Variants in DENND5B observed in about 807,000 individuals in gnomAD.
The protein encoded by DENND5B is DENN domain-containing protein 5B.
DENND5B carries 34 observed loss-of-function variants against 140.6 expected under a neutral mutation model. That is an observed-to-expected ratio of 0.24 (90% CI 0.18 to 0.32). The LOEUF (loss-of-function observed/expected upper bound fraction) is 0.32. Ranked by LOEUF, DENND5B falls within the 10% of genes least tolerant of loss-of-function variation. The pLI is 1.00. For missense variants in DENND5B, 1,142 were observed against 1,560.2 expected (o/e 0.73, Z 4.52); for synonymous variants, 551 against 562.1 (o/e 0.98, Z 0.28).
At chr12:31,418,921 G>GAGCC (rs1244529293) in intron 11 of DENND5B, among the ~76,000 whole-genome samples, 2 of 152,122 alleles carry the variant, frequency 1.3e-5, no homozygotes, top group African/African-American at 2.4e-5. Context: ...TTACATGTGC[G>GAGCC]AGCCAGTGTG....
intron 1 of DENND5B, among the ~76,000 whole-genome samples, chr12:31,581,419 G>GC (rs1182388755): frequency 6.6e-6 from 1 of 151,928 alleles, no homozygotes; most frequent in Non-Finnish European, 1.5e-5. Context: ...TTTCGGCCAG[G>GC]CACAGTGGCC....
At chr12:31,448,196 C>T (rs537253061) in intron 5 of DENND5B, among the ~76,000 whole-genome samples, 22 of 152,042 alleles carry the variant, frequency 1.4e-4, no homozygotes, top group Admixed American at 2.6e-4. Flanking sequence ...TGCAGTGGCA[C>T]GATCTCGGCT....
intron 14 of DENND5B, among the ~76,000 whole-genome samples, chr12:31,404,007 G>A (rs1048765430): frequency 2.7e-5 from 4 of 150,936 alleles, no homozygotes; most frequent in African/African-American, 9.7e-5. Flanking sequence ...GATCACTTGC[G>A]CTCAGGAGTT....
In DENND5B at chr12:31,572,002, A is replaced by G. The variant is rs1391747433; in HGVS notation, c.127+18704T>C. ...CACTTTGGGAGGCCAGCGCAGGTGG[A>G]TCATGTGAGGTCGGGAGCTCAAGAC... On this transcript the variant is annotated intron_variant, in intron 1 of 20. Coordinates refer to ENST00000389082, the MANE Select transcript of DENND5B (RefSeq NM_144973.4). Among the ~76,000 whole-genome samples the G allele has an allele frequency of 3.3e-5, 5 of 152,190 alleles. No homozygotes were observed. The East Asian group carries it at 9.6e-4, about 29-fold the overall frequency.
intron 1 of DENND5B, among the ~76,000 whole-genome samples, chr12:31,523,036 G>A (rs1947955410): frequency 6.6e-6 from 1 of 151,310 alleles, no homozygotes; most frequent in Non-Finnish European, 1.5e-5. Flanking sequence ...GAGGGAAGGT[G>A]AGATAAATGT....
intron 1 of DENND5B, among the ~76,000 whole-genome samples, chr12:31,564,189 T>C (rs1364613070): frequency 6.6e-6 from 1 of 152,150 alleles, no homozygotes. Context: ...TAAAATATTA[T>C]ATATATACAC....
At chr12:31,575,724 A>G (rs1298507829) in intron 1 of DENND5B, among the ~76,000 whole-genome samples, 2 of 152,154 alleles carry the variant, frequency 1.3e-5, no homozygotes, top group African/African-American at 4.8e-5. Flanking sequence ...TGGGAGGCCC[A>G]GGCAGGATAG....
Position 31,479,989 on chromosome 12 carries a change from A to C in DENND5B, c.504T>G (p.Thr168=). 6.2e-7 allele frequency: 1 copy of C among 1,614,012 alleles called. No homozygotes were observed. Among genetic ancestry groups the C allele is most frequent in the Non-Finnish European group, 8.5e-7 (1 of 1,179,886 alleles). Residue 168 remains threonine (T), a synonymous_variant, in exon 3 of 21, where the codon ACT becomes ACG. Transcript: ENST00000389082. ...LASSLDEGDT[T]SLLKLQRYNS... ...TGTATCGCTGGAGTTTCAAAAGGGA[A>C]GTTGTATCTCCTTCATCAAGACTAC... is the stretch of plus-strand genomic sequence containing the variant.
intron 1 of DENND5B, among the ~76,000 whole-genome samples, chr12:31,507,978 C>T (rs1009859672): frequency 8.5e-5 from 13 of 152,272 alleles, no homozygotes; most frequent in African/African-American, 3.1e-4. Context: ...CAATGTATTT[C>T]TGGGAAAGCA....
At chr12:31,439,289 T>C (rs1352619358) in intron 7 of DENND5B, among the ~76,000 whole-genome samples, 1 of 152,324 alleles carries the variant, frequency 6.6e-6, no homozygotes, top group Admixed American at 6.5e-5. Flanking sequence ...TGACTATATC[T>C]ACCTGAAAAC....
intron 17 of DENND5B, among the ~76,000 whole-genome samples, chr12:31,393,535 T>C (rs2137294313): frequency 6.6e-6 from 1 of 152,310 alleles, no homozygotes; most frequent in African/African-American, 2.4e-5. Flanking sequence ...AAAAAGGTGG[T>C]AAACATTTCA....
intron 4 of DENND5B, among the ~76,000 whole-genome samples, chr12:31,456,517 T>C (rs1346241143): frequency 1.3e-5 from 2 of 152,210 alleles, no homozygotes; most frequent in East Asian, 3.8e-4. Context: ...TATTTGTAAA[T>C]GACTTTTTTG....
At chr12:31,564,561 CTATTAT>C (rs3074755) in intron 1 of DENND5B, among the ~76,000 whole-genome samples, 2,981 of 136,024 alleles carry the variant, frequency 0.022, 47 homozygotes, top group South Asian at 0.062. Flanking sequence ...TCTTTTCATT[CTATTAT>C]TATTATTATT....
intron 1 of DENND5B, chr12:31,590,015 T>G (rs1318218447): frequency 6.6e-6 from 1 of 152,192 alleles, no homozygotes; most frequent in Non-Finnish European, 1.5e-5. Context: ...GAATTTAAAC[T>G]CGGGAACAGT....
chr12:31,551,903 C>T (rs932119914), intron 1 of DENND5B, among the ~76,000 whole-genome samples: 8 of 152,170 alleles, frequency 5.3e-5, no homozygotes, highest in Non-Finnish European at 1.0e-4. Flanking sequence ...GTGATTTTTG[C>T]ACATCGATTT....
At chr12:31,476,383 T>A (rs1489097501) in intron 3 of DENND5B, among the ~76,000 whole-genome samples, 3 of 151,506 alleles carry the variant, frequency 2.0e-5, no homozygotes, top group Non-Finnish European at 2.9e-5. Flanking sequence ...TAGTAATTAT[T>A]ATAATAGCAT....
chr12:31,483,751 G>C (rs981903428), intron 2 of DENND5B, among the ~76,000 whole-genome samples: 2 of 151,424 alleles, frequency 1.3e-5, no homozygotes, highest in African/African-American at 4.9e-5. Flanking sequence ...CATTTTAATG[G>C]GCATTTCTCG....
chr12:31,583,613 G>A (rs1950285915), intron 1 of DENND5B, among the ~76,000 whole-genome samples: 2 of 152,260 alleles, frequency 1.3e-5, no homozygotes, highest in Admixed American at 1.3e-4. Context: ...GGGAGGCAGA[G>A]GTTGCAGTGA....
At chr12:31,578,584 G>A (rs950766841) in intron 1 of DENND5B, among the ~76,000 whole-genome samples, 1 of 152,142 alleles carries the variant, frequency 6.6e-6, no homozygotes, top group South Asian at 2.1e-4. Flanking sequence ...ATACAGGAAT[G>A]GAACTGAATA....
Sources: allele counts gnomAD v4.1 joint callset (sites outside exome capture counted in the v4.1 genomes callset), GRCh38; gene constraint gnomAD v4.1.1; transcripts MANE v1.5; gene names NCBI Gene and HGNC (gene_info 2026-07-23, HGNC 2026-07-21).